CFAP20DC: variants seen among roughly 807,000 people sequenced by gnomAD.
The protein encoded by CFAP20DC is CFAP20 domain containing.
CFAP20DC carries 84 observed loss-of-function variants against 101.7 expected under a neutral mutation model. The observed-to-expected ratio is 0.83, with a 90% confidence interval of 0.69 to 0.99. The LOEUF (loss-of-function observed/expected upper bound fraction) is 0.99, where lower values mean the gene tolerates loss of function less well. Among genes scored for constraint, CFAP20DC ranks in the 50% least tolerant of loss-of-function variants. The probability of loss-of-function intolerance (pLI) is 0.00; values close to 1 mark genes in which losing one functional copy is unlikely to be tolerated. For synonymous variants in CFAP20DC, 359 were observed against 351.2 expected, an observed-to-expected ratio of 1.02 and a Z score of -0.25; for missense variants, 1,007 against 970.3, an observed-to-expected ratio of 1.04 and a Z score of -0.50.
chr3:58,810,696 C>A (rs956255684), intron 14 of CFAP20DC, among the ~76,000 whole-genome samples: 4 of 148,284 alleles, frequency 2.7e-5, no homozygotes, highest in Non-Finnish European at 5.9e-5. Flanking sequence ...GTTGGAAGTT[C>A]TGGCCAGGGC....
intron 6 of CFAP20DC, among the ~76,000 whole-genome samples, chr3:58,885,140 A>G (rs1008665803): frequency 2.0e-5 from 3 of 152,190 alleles, no homozygotes; most frequent in Non-Finnish European, 4.4e-5. Flanking sequence ...TATATGGGTA[A>G]ATTAATTTTT....
At position 58,724,721 on chromosome 3, in the gene CFAP20DC, T is replaced by C. The variant is rs1245498843; in HGVS notation, c.198-7093A>G. Among the ~76,000 whole-genome samples, 1 of 152,222 alleles carries C rather than the reference T, an allele frequency of 6.6e-6. No homozygotes were observed. Among genetic ancestry groups the C allele is most frequent in the East Asian group, 1.9e-4 (1 of 5,190 alleles). ...TCGGCGCCTTTTGCAGCCTCCATTT[T>C]GCAACTGGCCCCCTGGCTCCCACCT... On this transcript the variant is annotated intron_variant, in intron 3 of 3. Transcript: ENST00000486145. This position sits in a 1 kb window ranked among gnomAD's most constrained non-coding sequence, Gnocchi z 5.6.
At chr3:58,719,721 T>G (rs2067444623) in intron 3 of CFAP20DC, among the ~76,000 whole-genome samples, 2 of 152,222 alleles carry the variant, frequency 1.3e-5, no homozygotes, top group Non-Finnish European at 2.9e-5. Context: ...GGCTTCTCTC[T>G]TCCCAAAGAG....
chr3:58,778,189 G>A (rs374238750), intron 15 of CFAP20DC, among the ~76,000 whole-genome samples: 2 of 152,110 alleles, frequency 1.3e-5, no homozygotes, highest in East Asian at 1.9e-4. Flanking sequence ...CCCCACCTGC[G>A]CATTTTGCCA....
At chr3:58,716,674 G>T (rs2067403871), downstream of CFAP20DC, among the ~76,000 whole-genome samples, 1 of 152,096 alleles carries the variant, frequency 6.6e-6, no homozygotes, top group South Asian at 2.1e-4. Context: ...TCTGCTAAAG[G>T]TTCCAAGCAG....
At chr3:58,885,249 T>A (rs2081528861) in intron 6 of CFAP20DC, among the ~76,000 whole-genome samples, 1 of 152,144 alleles carries the variant, frequency 6.6e-6, no homozygotes, top group South Asian at 2.1e-4. Flanking sequence ...ACATCTTACC[T>A]TTTAATATTT....
At position 58,866,406 on chromosome 3, in the gene CFAP20DC, G is replaced by A. The variant is rs1212050445; in HGVS notation, c.1258+160C>T. The A allele has an allele frequency of 1.1e-5, 6 of 547,500 alleles. No individual in the cohort carries two copies. The South Asian group carries it at 1.5e-4, about 14-fold the overall frequency. The allele number at this position is 547,500 out of a possible 1,614,324, so 33.9% of individuals were successfully genotyped here. On this transcript the variant is annotated intron_variant, in intron 11 of 16. Coordinates refer to ENST00000482387, the MANE Select transcript of CFAP20DC (RefSeq NM_001394063.1). Reference sequence around the variant, plus strand: ...AAAAAATACTCTTTCATCCATTAAAGTTTGACATAAAATTGAGGTTAAATA... The same window carrying A: ...AAAAAATACTCTTTCATCCATTAAAATTTGACATAAAATTGAGGTTAAATA...
At position 58,724,496 on chromosome 3, in the gene CFAP20DC, G is replaced by T. The variant is rs1559524318; in HGVS notation, c.198-6868C>A. ...CACTGGAATGTGGACAGACGTGTGGGCTCCTATTTAAGCCCGCTCCCACTA... is the reference window on the plus strand; with the variant it reads ...CACTGGAATGTGGACAGACGTGTGGTCTCCTATTTAAGCCCGCTCCCACTA... On this transcript the variant is annotated intron_variant, in intron 3 of 3. Coordinates refer to the CFAP20DC transcript ENST00000486145. This position sits in a 1 kb window ranked among gnomAD's most constrained non-coding sequence, Gnocchi z 5.6. Among the ~76,000 whole-genome samples, 1 of 152,070 alleles carries T rather than the reference G, an allele frequency of 6.6e-6. No homozygotes were observed. The highest frequency in any genetic ancestry group is 2.4e-5 in the African/African-American group (1 of 41,418).
chr3:58,846,857 G>A (rs201113412), intron 13 of CFAP20DC, among the ~76,000 whole-genome samples: 25,263 of 147,558 alleles, frequency 0.17, 3,599 homozygotes, highest in African/African-American at 0.4. Flanking sequence ...CAGAAATAAC[G>A]CCGCATATCT....
intron 15 of CFAP20DC, among the ~76,000 whole-genome samples, chr3:58,791,183 G>C (rs756035708): frequency 6.6e-6 from 1 of 151,808 alleles, no homozygotes; most frequent in Non-Finnish European, 1.5e-5. Flanking sequence ...CTCTGATTCT[G>C]TTAAAGTATG....
chr3:58,842,024 C>T (rs948995816), intron 13 of CFAP20DC, among the ~76,000 whole-genome samples: 1 of 152,138 alleles, frequency 6.6e-6, no homozygotes, highest in African/African-American at 2.4e-5. Flanking sequence ...TACTTCTTTC[C>T]TAATTAAAAA....
intron 13 of CFAP20DC, among the ~76,000 whole-genome samples, chr3:58,837,599 G>C (rs1385126470): frequency 6.6e-6 from 1 of 152,110 alleles, no homozygotes; most frequent in African/African-American, 2.4e-5. Flanking sequence ...ACTTCTCTCT[G>C]ATCAACAACA....
intron 4 of CFAP20DC, among the ~76,000 whole-genome samples, chr3:58,976,034 T>C (rs1195275034): frequency 1.3e-5 from 2 of 152,226 alleles, no homozygotes; most frequent in African/African-American, 2.4e-5. Context: ...TTAACTTTCA[T>C]TATGAATGGC....
At chr3:58,943,057 G>C (rs2088850105) in intron 4 of CFAP20DC, among the ~76,000 whole-genome samples, 1 of 152,240 alleles carries the variant, frequency 6.6e-6, no homozygotes, top group South Asian at 2.1e-4. Flanking sequence ...ATCTCTGAAA[G>C]AAAGGCAGCA....
intron 12 of CFAP20DC, among the ~76,000 whole-genome samples, chr3:58,849,839 G>T (rs141164671): frequency 6.6e-6 from 1 of 152,144 alleles, no homozygotes; most frequent in Non-Finnish European, 1.5e-5. Flanking sequence ...CTTAAGCAGA[G>T]AAATGGTACT....
At chr3:59,040,022 C>A (rs2094169800) in intron 3 of CFAP20DC, among the ~76,000 whole-genome samples, 1 of 152,038 alleles carries the variant, frequency 6.6e-6, no homozygotes, top group Admixed American at 6.5e-5. Context: ...TTTTTATTCA[C>A]TGGCAGTTTT....
chr3:58,904,512 G>A (rs1441084130), intron 6 of CFAP20DC, among the ~76,000 whole-genome samples: 1 of 152,114 alleles, frequency 6.6e-6, no homozygotes, highest in African/African-American at 2.4e-5. Flanking sequence ...TATAGAAATA[G>A]AGCCTTAAAC....
chr3:58,876,955 G>A (rs141367627), intron 7 of CFAP20DC, among the ~76,000 whole-genome samples: 126 of 152,276 alleles, frequency 8.3e-4, no homozygotes, highest in African/African-American at 2.9e-3. Flanking sequence ...TTTAGAAAAG[G>A]TACTTAACCT....
chr3:58,923,969 T>C (rs926219526), intron 5 of CFAP20DC, among the ~76,000 whole-genome samples: 2 of 152,208 alleles, frequency 1.3e-5, no homozygotes, highest in East Asian at 1.9e-4. Context: ...ATAGTTTCTA[T>C]ATTCCTGATT....
Sources: gnomAD v4.1 joint callset for allele counts (sites outside exome capture counted in the v4.1 genomes callset) on GRCh38, gnomAD v4.1.1 for gene constraint, Gnocchi (gnomAD v3.1) non-coding constraint, MANE v1.5 for transcripts, NCBI Gene and HGNC (gene_info 2026-07-23, HGNC 2026-07-21) for gene names.